The following SIPA1L3 variants were observed in gnomAD, a reference collection of about 807,000 sequenced individuals.
SIPA1L3 encodes signal induced proliferation associated 1 like 3.
A neutral mutation model predicts 150.1 loss-of-function variants in SIPA1L3; 59 were observed. The observed-to-expected ratio is 0.39, with a 90% CI of 0.32 to 0.49. SIPA1L3 has a LOEUF of 0.49. Among genes scored for constraint, SIPA1L3 ranks in the 20% least tolerant of loss-of-function variants. The pLI, the probability that SIPA1L3 is intolerant of heterozygous loss-of-function variation, is 0.86. For missense variants in SIPA1L3, 2,211 were observed against 2,489.5 expected, an observed-to-expected ratio of 0.89 and a Z score of 2.38; for synonymous variants, 1,070 against 1,077.6, an observed-to-expected ratio of 0.99 and a Z score of 0.14.
chr19:38,104,850 T>C (rs911648846), intron 6 of SIPA1L3, among the ~76,000 whole-genome samples: 9 of 151,488 alleles, frequency 5.9e-5, no homozygotes, highest in African/African-American at 2.2e-4. Context: ...GGATTACAGG[T>C]GTGAGCCACC....
chr19:38,067,607 C>T (rs1036444074), intron 2 of SIPA1L3, among the ~76,000 whole-genome samples: 11 of 151,932 alleles, frequency 7.2e-5, no homozygotes, highest in Non-Finnish European at 1.0e-4. Context: ...ACTAAAAATA[C>T]AAAAATTAGC....
chr19:38,065,391 T>C (rs1969548798), intron 2 of SIPA1L3, among the ~76,000 whole-genome samples: 1 of 150,786 alleles, frequency 6.6e-6, no homozygotes, highest in Non-Finnish European at 1.5e-5. Context: ...ACTCTGCTCA[T>C]GTTTTCCCTC....
intron 1 of SIPA1L3, among the ~76,000 whole-genome samples, chr19:37,948,834 CT>C (rs2046736356): frequency 6.6e-6 from 1 of 152,110 alleles, no homozygotes; most frequent in Non-Finnish European, 1.5e-5. Flanking sequence ...AAGAGGTTGC[CT>C]TTGAGTCAAG....
chr19:38,025,637 A>C (rs1456137905), intron 1 of SIPA1L3, among the ~76,000 whole-genome samples: 1 of 152,220 alleles, frequency 6.6e-6, no homozygotes, highest in Non-Finnish European at 1.5e-5. Flanking sequence ...AAAGGAGAAA[A>C]ATTAGAGTGG....
intron 1 of SIPA1L3, among the ~76,000 whole-genome samples, chr19:37,913,085 TA>T (rs2046389462): frequency 6.6e-6 from 1 of 152,152 alleles, no homozygotes; most frequent in African/African-American, 2.4e-5. Context: ...AATCACAGTA[TA>T]GCCACTAACT....
chr19:38,125,852 A>T (rs1971158881), intron 9 of SIPA1L3, among the ~76,000 whole-genome samples: 1 of 152,146 alleles, frequency 6.6e-6, no homozygotes, highest in Admixed American at 6.6e-5. Context: ...GCCTACTTTC[A>T]TGGTGCTCCT....
Position 38,110,315 on chromosome 19 carries a change from G to A in SIPA1L3, c.2222G>A (p.Arg741His), listed in dbSNP as rs753770205. 4 of 1,614,022 alleles carry A rather than the reference G, an allele frequency of 2.5e-6. No homozygotes were observed. The highest frequency in any genetic ancestry group is 3.4e-6 in the Non-Finnish European group (4 of 1,179,996). Reference protein sequence around the residue: ...GALPFTPKNIRSHFQHVFIIV... With the variant: ...GALPFTPKNIHSHFQHVFIIV... The stretch of plus-strand genomic sequence containing the variant: ...CTACCGTTCACCCCCAAGAACATCC[G>A]CTCCCACTTCCAGCACGTCTTCATC... Residue 741 changes from arginine to histidine, a missense_variant, in exon 8 of 22, where the codon CGC becomes CAC. Coordinates refer to ENST00000222345, the MANE Select transcript of SIPA1L3 (RefSeq NM_015073.3).
At chr19:38,146,060 C>A (rs1174933649) in intron 12 of SIPA1L3, among the ~76,000 whole-genome samples, 1 of 152,172 alleles carries the variant, frequency 6.6e-6, no homozygotes, top group Non-Finnish European at 1.5e-5. Context: ...GACAAGGTCT[C>A]GCTGTGTTGC....
chr19:38,179,618 G>A, intron 15 of SIPA1L3, among the ~76,000 whole-genome samples: 1 of 151,496 alleles, frequency 6.6e-6, no homozygotes, highest in South Asian at 2.1e-4. Context: ...TCCCTTTTTT[G>A]TGCTCTGTTT....
At chr19:38,129,405 C>A (rs1049066965) in intron 9 of SIPA1L3, among the ~76,000 whole-genome samples, 1 of 151,738 alleles carries the variant, frequency 6.6e-6, no homozygotes, top group Non-Finnish European at 1.5e-5. Flanking sequence ...GCGGGCAGAT[C>A]ATGAGGTCAG....
At chr19:37,962,733 C>T (rs1172134783) in intron 1 of SIPA1L3, among the ~76,000 whole-genome samples, 1 of 152,106 alleles carries the variant, frequency 6.6e-6, no homozygotes, top group Non-Finnish European at 1.5e-5. Flanking sequence ...CTCAAGCGAT[C>T]CTCCTGCCTT....
chr19:38,139,138 G>A (rs920909312), intron 10 of SIPA1L3, among the ~76,000 whole-genome samples: 3 of 151,890 alleles, frequency 2.0e-5, no homozygotes, highest in African/African-American at 7.3e-5. Flanking sequence ...GGAGGTTGCA[G>A]TGAGCCGAGA....
In SIPA1L3 at chr19:38,082,346, T is replaced by C; in HGVS notation, c.781T>C (p.Ser261Pro). 1 of 1,598,328 alleles carries C rather than the reference T, an allele frequency of 6.3e-7. No homozygotes were observed. The change falls in exon 3 of 22, where the codon TCC becomes CCC. Residue 261 changes from serine (S) to proline (P), a missense_variant. Around this residue, in one of 5 missense-constraint regions of SIPA1L3, gnomAD observed 587 missense variants for 534.5 expected, o/e 1.10. Coordinates refer to ENST00000222345, the MANE Select transcript of SIPA1L3 (RefSeq NM_015073.3). Reference sequence around the variant, plus strand: ...GGGCGGCGGCGGAGCCAAGGGGGACTCCCACAACGGGCAGCCCGCCAAGGA... The same window carrying C: ...GGGCGGCGGCGGAGCCAAGGGGGACCCCCACAACGGGCAGCCCGCCAAGGA... ...MGGGGGAKGD[S>P]HNGQPAKDSL...
intron 4 of SIPA1L3, among the ~76,000 whole-genome samples, chr19:38,090,486 G>A (rs1308888291): frequency 6.6e-6 from 1 of 152,214 alleles, no homozygotes; most frequent in Admixed American, 6.5e-5. Flanking sequence ...GGGTCCAGGG[G>A]CAGGGCCAGG....
chr19:38,166,997 G>A (rs886245908), intron 15 of SIPA1L3, among the ~76,000 whole-genome samples: 12 of 152,020 alleles, frequency 7.9e-5, no homozygotes, highest in Admixed American at 6.6e-5. Flanking sequence ...CACTTTGGGA[G>A]GCCAAGGCAA....
chr19:38,157,174 T>TA (rs146883989), intron 13 of SIPA1L3, among the ~76,000 whole-genome samples: 29 of 151,604 alleles, frequency 1.9e-4, no homozygotes, highest in African/African-American at 2.4e-5. Flanking sequence ...AATAAAAAAA[T>TA]AAAAAAAAGT....
intron 1 of SIPA1L3, among the ~76,000 whole-genome samples, chr19:37,947,069 C>G (rs2046718320): frequency 6.6e-6 from 1 of 152,130 alleles, no homozygotes; most frequent in African/African-American, 2.4e-5. Context: ...TGGCGCACAC[C>G]TGTGGTCTCA....
rs115855375 is a variant in SIPA1L3, at chr19:37,994,314, T to C, written c.-378-34775T>C. Reference sequence around the variant, plus strand: ...AATAAAAGTGAGTATAGTTAAAGTGTGAAGTAAGCCGTAGCTCAGGTGCTC... The same window carrying C: ...AATAAAAGTGAGTATAGTTAAAGTGCGAAGTAAGCCGTAGCTCAGGTGCTC... On this transcript the variant is annotated intron_variant, in intron 1 of 21. Coordinates refer to ENST00000222345, the MANE Select transcript of SIPA1L3 (RefSeq NM_015073.3). Among the ~76,000 whole-genome samples the C allele has an allele frequency of 8.0e-3, 1,212 of 152,262 alleles. 13 individuals are homozygous for C. Among genetic ancestry groups the C allele is most frequent in the African/African-American group, 0.028 (1,172 of 41,544 alleles).
Position 38,099,806 on chromosome 19 carries a change from G to A in SIPA1L3, c.1666-156G>A, listed in dbSNP as rs113586025. On this transcript the variant is annotated intron_variant, in intron 4 of 21. Transcript: ENST00000222345. ...AGACCGCACAGCCAGGAGGCAGCAG[G>A]TTCAAGTTCTGGCTCAGACTTAGGG... 1.3e-3 allele frequency among the ~76,000 whole-genome samples: 196 copies of A among 152,322 alleles called. 2 individuals carry two copies. Among genetic ancestry groups the A allele is most frequent in the African/African-American group, 4.5e-3 (185 of 41,554 alleles).
Sources: allele counts gnomAD v4.1 joint callset (sites outside exome capture counted in the v4.1 genomes callset), GRCh38; gene constraint gnomAD v4.1.1; regional missense constraint gnomAD v4.1.1; transcripts MANE v1.5; gene names NCBI Gene and HGNC (gene_info 2026-07-23, HGNC 2026-07-21).